Variants in CNIH1 observed in about 807,000 individuals in gnomAD.
CNIH1 encodes the protein cornichon family member 1.
A neutral mutation model predicts 20.2 loss-of-function variants in CNIH1; 12 were observed. The ratio of observed to expected loss-of-function variants is 0.59; its 90% CI spans 0.38 to 0.96. CNIH1 has a LOEUF of 0.96. Ranked by LOEUF, CNIH1 falls within the 40% of genes least tolerant of loss-of-function variation. CNIH1 has a pLI of 0.00. For synonymous variants in CNIH1, 69 were observed against 63.3 expected, an observed-to-expected ratio of 1.09 and a Z score of -0.43; for missense variants, 152 against 178.8, an observed-to-expected ratio of 0.85 and a Z score of 0.85.
Position 54,427,167 on chromosome 14 carries a change from TATATC to T in CNIH1, c.*642_*646del, listed in dbSNP as rs2030842540. On this transcript the variant is annotated 3_prime_UTR_variant, in exon 5 of 5. Coordinates refer to ENST00000216416, the MANE Select transcript of CNIH1 (RefSeq NM_005776.3). ...TCACAAGTAATTCAGCATATATTTT[TATATC>T]ATGTTTACTTATGCTTAAGAATTAA... 6.6e-6 allele frequency: 1 copy of T among 152,220 alleles called. No individual in the cohort carries two copies. The highest frequency in any genetic ancestry group is 2.1e-4 in the South Asian group (1 of 4,832). The allele number at this position is 152,220 out of a possible 1,614,324, so 9.4% of individuals were successfully genotyped here. A position where few individuals can be genotyped will look rare whatever the true frequency, so the allele number is the denominator to read the frequency against.
At position 54,430,314 on chromosome 14, in the gene CNIH1, T is replaced by C; in HGVS notation, c.354A>G (p.Glu118=). Residue 118 remains glutamate (E), a synonymous_variant, in exon 4 of 5, where the codon GAA becomes GAG. Transcript: ENST00000216416. ...NADILAYCQK[E]GWCKLAFYLL... is the part of the protein sequence containing the mutation. Reference sequence around the variant, plus strand: ...GATAAAAAGCTAATTTGCACCATCCTTCCTTCTGACAATATGCTAGAATAT... The same window carrying C: ...GATAAAAAGCTAATTTGCACCATCCCTCCTTCTGACAATATGCTAGAATAT... 1 of 1,614,176 alleles carries C rather than the reference T, an allele frequency of 6.2e-7. No individual in the cohort carries two copies. Among genetic ancestry groups the C allele is most frequent in the East Asian group, 2.2e-5 (1 of 44,872 alleles).
intron 1 of CNIH1, among the ~76,000 whole-genome samples, chr14:54,436,967 G>A (rs1566718041): frequency 6.6e-6 from 1 of 152,120 alleles, no homozygotes; most frequent in Non-Finnish European, 1.5e-5. Flanking sequence ...TACACTCTCA[G>A]GGAGAAGGAC....
At chr14:54,439,096 C>A (rs1233069443) in intron 1 of CNIH1, among the ~76,000 whole-genome samples, 1 of 152,110 alleles carries the variant, frequency 6.6e-6, no homozygotes, top group East Asian at 1.9e-4. Context: ...CTCCCGTATT[C>A]CTGTATAGCA....
At position 54,441,258 on chromosome 14, in the gene CNIH1, CGAA is replaced by C. The variant is rs2031168903; in HGVS notation, c.67_69del (p.Phe23del). 6.6e-7 allele frequency: 1 copy of C among 1,518,496 alleles called. No homozygotes were observed. The highest frequency in any genetic ancestry group is 8.8e-7 in the Non-Finnish European group (1 of 1,130,856). 94.1% of individuals were successfully genotyped at this position (1,518,496 alleles called of 1,614,324 possible). On this transcript the variant is annotated inframe_deletion, in exon 1 of 5. Transcript: ENST00000216416. ...CCCCAGCTACTCACGTGCCAAATGG[CGAA>C]GAAGATGAGCGCGGCAGTGAGCAGC...
intron 1 of CNIH1, among the ~76,000 whole-genome samples, chr14:54,440,345 C>A (rs963800317): frequency 6.6e-6 from 1 of 152,178 alleles, no homozygotes; most frequent in African/African-American, 2.4e-5. Flanking sequence ...TTCCAGAAGG[C>A]TCTCAAGGCT....
chr14:54,427,945 A>T, intron 4 of CNIH1, 104 bp from the exon 5 acceptor site: 1 of 1,087,188 alleles, frequency 9.2e-7, no homozygotes, highest in Middle Eastern at 2.2e-4. Context: ...TATCACAGAA[A>T]ATGACAAGAC....
chr14:54,435,050 T>C (rs1374885247), intron 2 of CNIH1, among the ~76,000 whole-genome samples: 1 of 152,206 alleles, frequency 6.6e-6, no homozygotes, highest in African/African-American at 2.4e-5. Flanking sequence ...CTAGTGCTAG[T>C]ACACTAGTAT....
intron 2 of CNIH1, chr14:54,435,991 T>A: frequency 1.5e-6 from 1 of 674,948 alleles, no homozygotes; most frequent in South Asian, 1.6e-5. Flanking sequence ...ACGAGCACAC[T>A]GAACAAAACG....
chr14:54,432,800 T>C (rs1018111239), intron 2 of CNIH1, among the ~76,000 whole-genome samples: 12 of 152,294 alleles, frequency 7.9e-5, no homozygotes, highest in Middle Eastern at 3.4e-3. Context: ...AGAACACTAA[T>C]ATGCGCAAAT....
chr14:54,430,660 T>A (rs2030915866), intron 3 of CNIH1, among the ~76,000 whole-genome samples: 1 of 152,210 alleles, frequency 6.6e-6, no homozygotes. Flanking sequence ...GGAAGAACTG[T>A]AAAAAGAAAA....
At chr14:54,435,740 T>A (rs982996165) in intron 2 of CNIH1, among the ~76,000 whole-genome samples, 2 of 152,174 alleles carry the variant, frequency 1.3e-5, no homozygotes, top group African/African-American at 4.8e-5. Context: ...ACTAAAGATT[T>A]CACTCACATA....
intron 1 of CNIH1, among the ~76,000 whole-genome samples, chr14:54,438,416 C>T (rs1381214516): frequency 6.6e-6 from 1 of 152,186 alleles, no homozygotes; most frequent in Non-Finnish European, 1.5e-5. Flanking sequence ...AAGACACCCA[C>T]AAAATTTCCT....
At position 54,426,909 on chromosome 14, in the gene CNIH1, T is replaced by C. The variant is rs2030837681; in HGVS notation, c.*905A>G. On this transcript the variant is annotated 3_prime_UTR_variant, in exon 5 of 5. Transcript: ENST00000216416. Reference sequence around the variant, plus strand: ...AGTTTAAGAAATACTATTTTTAATCTCAAACAATGCACTGAAAGTGAGTCT... The same window carrying C: ...AGTTTAAGAAATACTATTTTTAATCCCAAACAATGCACTGAAAGTGAGTCT... The C allele has an allele frequency of 6.6e-6, 1 of 152,202 alleles. No homozygotes were observed. Among genetic ancestry groups the C allele is most frequent in the Non-Finnish European group, 1.5e-5 (1 of 68,006 alleles). The allele number at this position is 152,202 out of a possible 1,614,324, so 9.4% of individuals were successfully genotyped here.
intron 4 of CNIH1, among the ~76,000 whole-genome samples, chr14:54,428,488 A>C (rs116573476): frequency 6.6e-6 from 1 of 152,262 alleles, no homozygotes; most frequent in East Asian, 1.9e-4. Flanking sequence ...ACATAACTCT[A>C]AACAGAAATA....
chr14:54,432,298 C>A (rs574687698), intron 2 of CNIH1, 78 bp from the exon 3 acceptor site: 3 of 636,296 alleles, frequency 4.7e-6, no homozygotes, highest in African/African-American at 3.8e-5. Context: ...AGGTGGCAAC[C>A]AAGTTTCCAT....
intron 4 of CNIH1, among the ~76,000 whole-genome samples, chr14:54,429,356 T>TATACAGG (rs1279781211): frequency 5.3e-5 from 8 of 152,134 alleles, no homozygotes; most frequent in Admixed American, 1.3e-4. Context: ...CGTCCCATGA[T>TATACAGG]ATACAGGACA....
Position 54,426,964 on chromosome 14 carries a change from A to C in CNIH1, c.*850T>G, listed in dbSNP as rs1231357769. ...TTCAGAGTTTTATTGTATTGCACTA[A>C]AGGAACAGCAGGATGGTTATACAAT... is the stretch of plus-strand genomic sequence containing the variant. On this transcript the variant is annotated 3_prime_UTR_variant, in exon 5 of 5. Transcript: ENST00000216416. 1 of 152,184 alleles carries C rather than the reference A, an allele frequency of 6.6e-6. No homozygotes were observed. The highest frequency in any genetic ancestry group is 2.4e-5 in the African/African-American group (1 of 41,448). The allele number at this position is 152,184 out of a possible 1,614,324, so 9.4% of individuals were successfully genotyped here.
chr14:54,432,265 A>G, intron 2 of CNIH1, 45 bp from the exon 3 acceptor site: 1 of 1,025,186 alleles, frequency 9.8e-7, no homozygotes, highest in Non-Finnish European at 1.4e-6. Flanking sequence ...CTCAGCATTA[A>G]GTCAACTACT....
Position 54,440,121 on chromosome 14 carries a change from A to G in CNIH1, c.81+1126T>C, listed in dbSNP as rs74083765. Among the ~76,000 whole-genome samples, 351 of 152,298 alleles carry G rather than the reference A, an allele frequency of 2.3e-3. 3 individuals carry two copies. The highest frequency in any genetic ancestry group is 8.1e-3 in the African/African-American group (338 of 41,560). On this transcript the variant is annotated intron_variant, in intron 1 of 4. Coordinates refer to ENST00000216416, the MANE Select transcript of CNIH1 (RefSeq NM_005776.3). ...AGGAATGGATTTGTGATATGCTTCCACTTTCGAGACTTTTTTGCACAAGAC... is the reference window on the plus strand; with the variant it reads ...AGGAATGGATTTGTGATATGCTTCCGCTTTCGAGACTTTTTTGCACAAGAC...
Sources: gnomAD v4.1 joint callset for allele counts (sites outside exome capture counted in the v4.1 genomes callset) on GRCh38, gnomAD v4.1.1 for gene constraint, MANE v1.5 for transcripts, NCBI Gene and HGNC (gene_info 2026-07-23, HGNC 2026-07-21) for gene names.